Variants in PCDH15 observed in about 807,000 individuals in gnomAD.
The protein encoded by PCDH15 is protocadherin related 15.
In PCDH15, 129 loss-of-function variants were observed where a neutral mutation model predicts 178.5. The observed-to-expected ratio is 0.72, with a 90% CI of 0.63 to 0.84. PCDH15 has a LOEUF of 0.84. Ranked by LOEUF, PCDH15 falls within the 40% of genes least tolerant of loss-of-function variation. The pLI is 0.00. For missense variants in PCDH15, 2,230 were observed against 2,099.9 expected (o/e 1.06, Z -1.21); for synonymous variants, 800 against 732.0 (o/e 1.09, Z -1.50).
At chr10:54,290,993 C>T (rs552882882) in intron 8 of PCDH15, among the ~76,000 whole-genome samples, 4 of 152,284 alleles carry the variant, frequency 2.6e-5, no homozygotes, top group South Asian at 2.1e-4. Flanking sequence ...ATCAACAAGA[C>T]AGAAGGTTAA....
chr10:53,998,189 C>G (rs2091946885), intron 20 of PCDH15, among the ~76,000 whole-genome samples: 1 of 152,100 alleles, frequency 6.6e-6, no homozygotes, highest in Non-Finnish European at 1.5e-5. Flanking sequence ...ATTTCCTCCT[C>G]TGTAGTTAAG....
chr10:54,181,955 T>G (rs2133778808), intron 13 of PCDH15, among the ~76,000 whole-genome samples: 1 of 152,206 alleles, frequency 6.6e-6, no homozygotes, highest in Non-Finnish European at 1.5e-5. Flanking sequence ...CTTGTTTGTT[T>G]GTTTTTTGTG....
intron 21 of PCDH15, chr10:53,994,663 CAA>C: frequency 6.6e-6 from 1 of 152,006 alleles, no homozygotes; most frequent in East Asian, 1.9e-4. Context: ...AAAGCAGTTT[CAA>C]AGACATTTTA....
chr10:54,238,036 C>A (rs2054813616), intron 8 of PCDH15, among the ~76,000 whole-genome samples: 1 of 152,114 alleles, frequency 6.6e-6, no homozygotes. Flanking sequence ...ATGTAGCCCT[C>A]ATCCCAAATA....
Position 55,387,561 on chromosome 10 carries a change from T to C in PCDH15, c.-155-220910A>G, listed in dbSNP as rs933110906. ...ATAATTCCATACAGATAAAGAGCTC[T>C]TTCTGAAATGTGACAGCTGTATATA... On this transcript the variant is annotated intron_variant, in intron 2 of 5. Coordinates refer to the PCDH15 transcript ENST00000613346. Among the ~76,000 whole-genome samples the C allele has an allele frequency of 5.3e-5, 8 of 152,142 alleles. No homozygotes were observed. The East Asian group carries it at 1.3e-3, about 26-fold the overall frequency.
At chr10:54,205,487 G>GTGTGTGTGTGTGTT (rs2050704150) in intron 10 of PCDH15, among the ~76,000 whole-genome samples, 1 of 148,388 alleles carries the variant, frequency 6.7e-6, no homozygotes, top group Admixed American at 6.8e-5. Flanking sequence ...TCCTTTGTGT[G>GTGTGTGTGTGTGTT]TGTGTGTGTG....
chr10:55,346,904 T>C (rs1300500817), intron 2 of PCDH15, among the ~76,000 whole-genome samples: 1 of 151,812 alleles, frequency 6.6e-6, no homozygotes, highest in Non-Finnish European at 1.5e-5. Context: ...CAGGTTACTA[T>C]AAATTAGGAG....
intron 2 of PCDH15, among the ~76,000 whole-genome samples, chr10:54,567,306 G>A (rs1483229247): frequency 6.6e-6 from 1 of 151,948 alleles, no homozygotes; most frequent in Non-Finnish European, 1.5e-5. Context: ...ATTTGACACT[G>A]TCTTTCTCAG....
At chr10:53,941,049 T>C in intron 23 of PCDH15, 74 bp from the exon 24 acceptor site, 3 of 1,063,892 alleles carry the variant, frequency 2.8e-6, no homozygotes, top group Non-Finnish European at 4.3e-6. Flanking sequence ...CACAGAAAAA[T>C]TGAGAGAAAG....
At chr10:54,520,468 C>T (rs1013455486) in intron 3 of PCDH15, among the ~76,000 whole-genome samples, 2 of 152,292 alleles carry the variant, frequency 1.3e-5, no homozygotes, top group South Asian at 2.1e-4. Flanking sequence ...AAAAAATGCT[C>T]ATCATCACTG....
At chr10:54,434,424 T>C (rs968684023) in intron 3 of PCDH15, among the ~76,000 whole-genome samples, 3 of 152,210 alleles carry the variant, frequency 2.0e-5, no homozygotes, top group African/African-American at 7.2e-5. Flanking sequence ...GTACCACTGC[T>C]TACTATTTAT....
At chr10:54,784,193 G>A (rs1426099776) in intron 1 of PCDH15, among the ~76,000 whole-genome samples, 1 of 151,924 alleles carries the variant, frequency 6.6e-6, no homozygotes, top group Admixed American at 6.6e-5. Context: ...TACAGTTCAA[G>A]ATTAGATTTG....
At position 54,745,740 on chromosome 10, in the gene PCDH15, G is replaced by A. The variant is rs115050510; in HGVS notation, c.-29+55185C>T. On this transcript the variant is annotated intron_variant, in intron 1 of 37. Transcript: ENST00000644397. ...TTCAGAAACTGGATAATATATAAGT[G>A]TATAATATAAAATTAATCTGCAGCG... Among the ~76,000 whole-genome samples, 636 of 152,216 alleles carry A rather than the reference G, an allele frequency of 4.2e-3. 5 individuals carry two copies. Among genetic ancestry groups the A allele is most frequent in the African/African-American group, 0.015 (610 of 41,530 alleles).
chr10:53,866,307 A>C (rs1248899856), intron 27 of PCDH15, among the ~76,000 whole-genome samples: 1 of 151,982 alleles, frequency 6.6e-6, no homozygotes, highest in Non-Finnish European at 1.5e-5. Context: ...AGCACTGGAC[A>C]CCCTATATTA....
chr10:55,582,232 C>T (rs1842629451), intron 2 of PCDH15, among the ~76,000 whole-genome samples: 1 of 152,162 alleles, frequency 6.6e-6, no homozygotes, highest in Admixed American at 6.5e-5. Context: ...TGCTGAGAAG[C>T]TCATCCAGTC....
At chr10:53,921,181 T>A (rs2593112) in intron 25 of PCDH15, among the ~76,000 whole-genome samples, 3,726 of 152,236 alleles carry the variant, frequency 0.024, 141 homozygotes, top group African/African-American at 0.081. Flanking sequence ...GAGAAAATAG[T>A]TTTTGAAGCA....
At chr10:54,210,026 T>C (rs2051243035) in intron 10 of PCDH15, among the ~76,000 whole-genome samples, 1 of 152,116 alleles carries the variant, frequency 6.6e-6, no homozygotes, top group Non-Finnish European at 1.5e-5. Flanking sequence ...ACATCAGCAC[T>C]AAGAATCAAG....
intron 1 of PCDH15, among the ~76,000 whole-genome samples, chr10:54,763,190 G>A (rs1351599639): frequency 2.6e-5 from 4 of 152,034 alleles, no homozygotes; most frequent in Non-Finnish European, 5.9e-5. Flanking sequence ...AAACACAAAG[G>A]GTAATACCGG....
At chr10:54,159,864 A>G (rs2045536185) in intron 13 of PCDH15, among the ~76,000 whole-genome samples, 1 of 152,184 alleles carries the variant, frequency 6.6e-6, no homozygotes. Context: ...TATTTAAATG[A>G]GTATTGCTTT....
Sources: gnomAD v4.1 joint callset for allele counts (sites outside exome capture counted in the v4.1 genomes callset) on GRCh38, gnomAD v4.1.1 for gene constraint, MANE v1.5 for transcripts, NCBI Gene and HGNC (gene_info 2026-07-23, HGNC 2026-07-21) for gene names.